SMYD3: variants seen among roughly 807,000 people sequenced by gnomAD.
SMYD3 encodes the protein SET and MYND domain containing 3.
A neutral mutation model predicts 57.7 loss-of-function variants in SMYD3; 36 were observed. The observed-to-expected ratio is 0.62, with a 90% CI of 0.48 to 0.82. The LOEUF is 0.82. SMYD3 is among the 40% of genes least tolerant of loss of function. The probability of loss-of-function intolerance (pLI) is 0.00; values close to 1 mark genes in which losing one functional copy is unlikely to be tolerated. For missense variants in SMYD3, 515 were observed against 538.8 expected (o/e 0.96, Z 0.44); for synonymous variants, 211 against 195.0 (o/e 1.08, Z -0.68).
intron 8 of SMYD3, among the ~76,000 whole-genome samples, chr1:245,878,248 G>A (rs1044638764): frequency 6.6e-6 from 1 of 152,198 alleles, no homozygotes; most frequent in Non-Finnish European, 1.5e-5. Context: ...ATGGTTAGAG[G>A]CAAGAGCTGA....
At chr1:246,276,112 T>C (rs1313187925) in intron 5 of SMYD3, among the ~76,000 whole-genome samples, 2 of 123,212 alleles carry the variant, frequency 1.6e-5, no homozygotes, top group Non-Finnish European at 3.5e-5. Context: ...TGTTTTTCAC[T>C]AGTCGTATTA....
intron 5 of SMYD3, among the ~76,000 whole-genome samples, chr1:246,143,162 CACAA>C (rs57990489): frequency 0.026 from 3,597 of 139,580 alleles, 133 homozygotes; most frequent in African/African-American, 0.09. Context: ...CACACACACA[CACAA>C]ACATGCATCC....
chr1:246,209,465 T>C (rs755722545), intron 5 of SMYD3, among the ~76,000 whole-genome samples: 2 of 152,130 alleles, frequency 1.3e-5, no homozygotes, highest in East Asian at 1.9e-4. Context: ...AAAAGAGTTA[T>C]CTATTAGAAG....
At chr1:246,283,601 G>T (rs1042068094) in intron 5 of SMYD3, among the ~76,000 whole-genome samples, 19 of 152,204 alleles carry the variant, frequency 1.2e-4, no homozygotes, top group Non-Finnish European at 1.6e-4. Flanking sequence ...AGTAACTAGA[G>T]GTCTCAAAAT....
At chr1:245,793,241 G>A (rs1261602420) in intron 10 of SMYD3, among the ~76,000 whole-genome samples, 8 of 151,918 alleles carry the variant, frequency 5.3e-5, no homozygotes, top group South Asian at 2.1e-4. Flanking sequence ...CCCAGGAGAC[G>A]GAGCTTGAAG....
intron 8 of SMYD3, among the ~76,000 whole-genome samples, chr1:245,901,378 T>TG (rs2054170136): frequency 6.6e-6 from 1 of 152,174 alleles, no homozygotes; most frequent in South Asian, 2.1e-4. Flanking sequence ...TAAGATTTCT[T>TG]TAGACAATCT....
chr1:245,923,545 C>CT (rs2056144855), intron 7 of SMYD3, among the ~76,000 whole-genome samples: 2 of 152,172 alleles, frequency 1.3e-5, no homozygotes, highest in Non-Finnish European at 2.9e-5. Context: ...ATGAGAACTG[C>CT]TTCCTACTCC....
intron 5 of SMYD3, chr1:246,326,458 G>C (rs1432524539): frequency 3.1e-6 from 2 of 636,646 alleles, no homozygotes; most frequent in Admixed American, 3.0e-5. Flanking sequence ...ATAAACCCTC[G>C]GAATCATTTA....
chr1:245,817,735 A>G (rs1029900819), intron 10 of SMYD3, among the ~76,000 whole-genome samples: 22 of 151,268 alleles, frequency 1.5e-4, no homozygotes, highest in African/African-American at 5.3e-4. Context: ...AAGGCTCGAG[A>G]ACTATGTGAA....
chr1:246,287,238 T>C (rs1376735229), intron 5 of SMYD3, among the ~76,000 whole-genome samples: 6 of 152,210 alleles, frequency 3.9e-5, no homozygotes, highest in Non-Finnish European at 8.8e-5. Flanking sequence ...TCAGAAAACA[T>C]TAGTGAAAGT....
chr1:245,924,211 G>C (rs2056196846), intron 7 of SMYD3, among the ~76,000 whole-genome samples: 1 of 152,034 alleles, frequency 6.6e-6, no homozygotes, highest in Admixed American at 6.6e-5. Flanking sequence ...TCATATTTAA[G>C]ATAATTTTGA....
At chr1:246,173,953 C>T (rs1488291133) in intron 5 of SMYD3, among the ~76,000 whole-genome samples, 4 of 152,122 alleles carry the variant, frequency 2.6e-5, no homozygotes, top group South Asian at 2.1e-4. Context: ...ACTACAGGTG[C>T]GTGTCACCAC....
chr1:245,960,559 C>T (rs11576780), intron 5 of SMYD3, among the ~76,000 whole-genome samples: 18,932 of 151,760 alleles, frequency 0.12, 1,522 homozygotes, highest in East Asian at 0.41. Context: ...CCCATCTCTA[C>T]GAAAAAAAGA....
chr1:245,884,633 G>A (rs2052979864), intron 8 of SMYD3, among the ~76,000 whole-genome samples: 1 of 152,132 alleles, frequency 6.6e-6, no homozygotes, highest in African/African-American at 2.4e-5. Context: ...TTGACAAAAG[G>A]GAAGATGGTG....
At chr1:245,808,888 G>A (rs1466979070) in intron 10 of SMYD3, among the ~76,000 whole-genome samples, 4 of 151,974 alleles carry the variant, frequency 2.6e-5, no homozygotes, top group African/African-American at 7.2e-5. Context: ...TCAGCCTCCC[G>A]AACAGCTGAG....
intron 5 of SMYD3, among the ~76,000 whole-genome samples, chr1:246,253,281 C>CT (rs2063825227): frequency 6.6e-6 from 1 of 152,200 alleles, no homozygotes. Flanking sequence ...TCCCTCCAAC[C>CT]TCGAGCAGTC....
At chr1:246,111,886 C>T (rs148737245) in intron 5 of SMYD3, among the ~76,000 whole-genome samples, 1 of 152,280 alleles carries the variant, frequency 6.6e-6, no homozygotes, top group African/African-American at 2.4e-5. Flanking sequence ...TTCTTATTAG[C>T]CAGCTGTTAA....
At chr1:246,193,999 T>A (rs964156204) in intron 5 of SMYD3, among the ~76,000 whole-genome samples, 5 of 152,218 alleles carry the variant, frequency 3.3e-5, no homozygotes, top group Non-Finnish European at 5.9e-5. Flanking sequence ...GGTCATTATG[T>A]TCTCTTTCAT....
chr1:245,977,898 T>C (rs909597984), intron 5 of SMYD3, among the ~76,000 whole-genome samples: 4 of 152,202 alleles, frequency 2.6e-5, no homozygotes, highest in Non-Finnish European at 5.9e-5. Context: ...GTTGTGTCTA[T>C]GTATACACAG....
Sources: gnomAD v4.1 joint callset for allele counts (sites outside exome capture counted in the v4.1 genomes callset) on GRCh38, gnomAD v4.1.1 for gene constraint, MANE v1.5 for transcripts, NCBI Gene and HGNC (gene_info 2026-07-23, HGNC 2026-07-21) for gene names.